Variants in NCOR1 observed in about 807,000 individuals in gnomAD.
NCOR1 encodes the protein nuclear receptor corepressor 1, also known as protein phosphatase 1, regulatory subunit 109.
Under a neutral mutation model 288.1 loss-of-function variants are expected in NCOR1, and 63 were observed. That is an observed-to-expected ratio of 0.22 (90% CI 0.18 to 0.27). NCOR1 has a LOEUF of 0.27. NCOR1 is among the 10% of genes least tolerant of loss of function. The probability of loss-of-function intolerance (pLI) is 1.00; values close to 1 mark genes in which losing one functional copy is unlikely to be tolerated. For missense variants in NCOR1, 2,397 were observed against 3,019.2 expected (o/e 0.79, Z 4.83); for synonymous variants, 1,007 against 1,065.9 (o/e 0.94, Z 1.08).
intron 14 of NCOR1, among the ~76,000 whole-genome samples, chr17:16,127,374 T>C (rs1029715676): frequency 7.5e-6 from 1 of 133,494 alleles, no homozygotes; most frequent in East Asian, 2.0e-4. Context: ...TACATGTATG[T>C]ATATATGTAT....
chr17:16,174,748 G>T (rs572159740), intron 3 of NCOR1, among the ~76,000 whole-genome samples: 1 of 152,246 alleles, frequency 6.6e-6, no homozygotes, highest in Non-Finnish European at 1.5e-5. Context: ...GTAGAACTAA[G>T]CATGAAATCT....
chr17:16,094,691 AGTGCCTGCGATTG>A (rs2066031609), intron 21 of NCOR1, among the ~76,000 whole-genome samples: 1 of 152,010 alleles, frequency 6.6e-6, no homozygotes, highest in African/African-American at 2.4e-5. Flanking sequence ...CAGCCTGCCG[AGTGCCTGCGATTG>A]CAGGCGCGCG....
Position 16,091,983 on chromosome 17 carries a change from C to A in NCOR1, c.2896G>T (p.Ala966Ser). Reference protein sequence around the residue: ...GYALYQRHIKAMHESALLEEQ... With the variant: ...GYALYQRHIKSMHESALLEEQ... ...TCCAGGAGTGCTGACTCATGCATTG[C>A]TTTAATGTGTCGCTGGTAGAGAGCA... Residue 966 changes from alanine (A) to serine (S), a missense_variant, in exon 22 of 46, where the codon GCA becomes TCA. This residue lies in a region of NCOR1 where 1,872 missense variants were observed against 2,187.8 expected (regional missense o/e 0.86). Transcript: ENST00000268712. 1 of 1,614,204 alleles carries A rather than the reference C, an allele frequency of 6.2e-7. No individual in the cohort carries two copies. The highest frequency in any genetic ancestry group is 1.1e-5 in the South Asian group (1 of 91,084).
chr17:16,091,239 T>A (rs2065127848), intron 22 of NCOR1, among the ~76,000 whole-genome samples: 1 of 152,248 alleles, frequency 6.6e-6, no homozygotes, highest in African/African-American at 2.4e-5. Flanking sequence ...TGTAATAACG[T>A]GCTACATTAT....
intron 44 of NCOR1, among the ~76,000 whole-genome samples, chr17:16,038,731 TTTTTTATGGCTTACGA>T (rs1212182164): frequency 2.6e-5 from 4 of 152,118 alleles, no homozygotes; most frequent in African/African-American, 9.7e-5. Flanking sequence ...TTCCTACTCT[TTTTTTATGGCTTACGA>T]TTATTTTATT....
intron 11 of NCOR1, 85 bp from the exon 12 acceptor site, chr17:16,139,271 T>A: frequency 9.1e-7 from 1 of 1,097,312 alleles, no homozygotes. Context: ...TAATGTGCAC[T>A]AAAAAACCAT....
intron 1 of NCOR1, among the ~76,000 whole-genome samples, chr17:16,212,970 G>A (rs2092270223): frequency 1.3e-5 from 2 of 151,058 alleles, no homozygotes; most frequent in South Asian, 2.1e-4. Context: ...CGACTTGGGA[G>A]GCTGAGGTGG....
At chr17:16,065,130 A>G (rs1456714765) in intron 33 of NCOR1, 111 bp from the exon 34 acceptor site, 15 of 989,234 alleles carry the variant, frequency 1.5e-5, no homozygotes, top group African/African-American at 5.0e-5. Flanking sequence ...TGTACATAAT[A>G]TAAATAAAAA....
intron 11 of NCOR1, among the ~76,000 whole-genome samples, chr17:16,141,084 CA>C: frequency 6.6e-6 from 1 of 151,686 alleles, no homozygotes; most frequent in East Asian, 1.9e-4. Flanking sequence ...TAAAATTTAG[CA>C]ATGATAACAT....
intron 4 of NCOR1, among the ~76,000 whole-genome samples, chr17:16,169,812 T>C (rs1187440521): frequency 6.6e-6 from 1 of 152,206 alleles, no homozygotes; most frequent in Non-Finnish European, 1.5e-5. Context: ...TATTCAGCCA[T>C]GGAAGATGAC....
chr17:16,107,986 A>C (rs1321678891), intron 19 of NCOR1, among the ~76,000 whole-genome samples: 1 of 152,174 alleles, frequency 6.6e-6, no homozygotes, highest in Non-Finnish European at 1.5e-5. Context: ...AGCTTATACA[A>C]AATAAAGACC....
At chr17:16,061,945 G>A (rs1230750232) in intron 36 of NCOR1, 51 bp from the exon 37 acceptor site, 2 of 1,568,642 alleles carry the variant, frequency 1.3e-6, no homozygotes, top group South Asian at 2.4e-5. Context: ...CATTTGCTGG[G>A]AATGTGGTGG....
At chr17:16,144,893 G>A (rs532473517) in intron 10 of NCOR1, among the ~76,000 whole-genome samples, 12 of 147,930 alleles carry the variant, frequency 8.1e-5, no homozygotes, top group African/African-American at 2.8e-4. Flanking sequence ...CCCTTCTCCC[G>A]CTTTCCACGG....
intron 1 of NCOR1, among the ~76,000 whole-genome samples, chr17:16,205,187 T>A: frequency 6.7e-6 from 1 of 148,466 alleles, no homozygotes; most frequent in African/African-American, 2.5e-5. Context: ...GCCATTGCAA[T>A]CCAGCCTGTG....
At chr17:16,124,384 G>T (rs1703848837) in intron 15 of NCOR1, among the ~76,000 whole-genome samples, 1 of 152,176 alleles carries the variant, frequency 6.6e-6, no homozygotes, top group African/African-American at 2.4e-5. Flanking sequence ...ACGGCCAGAG[G>T]CTGGAAATGA....
chr17:16,130,411 AC>A (rs2075406816), intron 14 of NCOR1, among the ~76,000 whole-genome samples: 2 of 151,928 alleles, frequency 1.3e-5, no homozygotes, highest in Admixed American at 1.3e-4. Context: ...AAAGAGGTCC[AC>A]CCCTTCAAAA....
chr17:16,204,276 A>C (rs200977815), intron 1 of NCOR1, among the ~76,000 whole-genome samples: 1 of 152,252 alleles, frequency 6.6e-6, no homozygotes, highest in Non-Finnish European at 1.5e-5. Flanking sequence ...CTAGCTAGTT[A>C]GGGTAGAATT....
At chr17:16,084,755 TTAAA>T (rs1567911126) in intron 23 of NCOR1, among the ~76,000 whole-genome samples, 1 of 152,116 alleles carries the variant, frequency 6.6e-6, no homozygotes, top group Non-Finnish European at 1.5e-5. Flanking sequence ...AACTAGAAAT[TTAAA>T]TAAAGATGAA....
chr17:16,203,422 C>T (rs1473456302), intron 1 of NCOR1, among the ~76,000 whole-genome samples: 2 of 152,158 alleles, frequency 1.3e-5, no homozygotes, highest in East Asian at 3.9e-4. Flanking sequence ...CCTTTACTCT[C>T]TGCCAGGAAA....
Sources: gnomAD v4.1 joint callset for allele counts (sites outside exome capture counted in the v4.1 genomes callset) on GRCh38, gnomAD v4.1.1 for gene constraint, gnomAD v4.1.1 regional missense constraint, MANE v1.5 for transcripts, NCBI Gene and HGNC (gene_info 2026-07-23, HGNC 2026-07-21) for gene names.